Variants in ZNF236 observed in about 807,000 individuals in gnomAD.
ZNF236 encodes zinc finger protein 236.
A neutral mutation model predicts 191.2 loss-of-function variants in ZNF236; 50 were observed. That is an observed-to-expected ratio of 0.26 (90% CI 0.21 to 0.33). ZNF236 has a LOEUF of 0.33. Ranked by LOEUF, ZNF236 falls within the 10% of genes least tolerant of loss-of-function variation. The pLI, the probability that ZNF236 is intolerant of heterozygous loss-of-function variation, is 1.00. For synonymous variants in ZNF236, 907 were observed against 928.8 expected (o/e 0.98, Z 0.43); for missense variants, 1,754 against 2,374.5 (o/e 0.74, Z 5.43).
rs1047367927 is a variant in ZNF236, at chr18:76,839,220, A to G, written c.56-10306A>G. On this transcript the variant is annotated intron_variant, in intron 1 of 30. Transcript: ENST00000320610. ...ATGGCGTTTGGGTGCACATACGTAC[A>G]CATTTCTGTTGGAGATGTACCTAGG... Among the ~76,000 whole-genome samples the G allele has an allele frequency of 5.9e-5, 9 of 152,364 alleles. No homozygotes were observed. The South Asian group carries it at 1.9e-3, about 32-fold the overall frequency.
At chr18:76,826,219 C>A (rs764130000) in intron 1 of ZNF236, among the ~76,000 whole-genome samples, 1 of 151,550 alleles carries the variant, frequency 6.6e-6, no homozygotes, top group African/African-American at 2.4e-5. Context: ...TCAAGCAATT[C>A]TCCTGCCTCA....
intron 14 of ZNF236, 84 bp from the exon 15 acceptor site, chr18:76,909,984 G>A (rs1044361436): frequency 5.1e-6 from 5 of 984,256 alleles, no homozygotes; most frequent in South Asian, 3.1e-5. Flanking sequence ...TTGAAAACTC[G>A]CCGAAGTGTA....
chr18:76,836,010 C>T (rs1436900478), intron 1 of ZNF236, among the ~76,000 whole-genome samples: 3 of 152,104 alleles, frequency 2.0e-5, no homozygotes, highest in African/African-American at 4.8e-5. Context: ...TGGGTTCAAG[C>T]GATTCTCCTG....
intron 20 of ZNF236, among the ~76,000 whole-genome samples, chr18:76,922,759 G>A (rs1967572729): frequency 6.6e-6 from 1 of 152,056 alleles, no homozygotes; most frequent in Non-Finnish European, 1.5e-5. Context: ...GTTTTACCAT[G>A]TTGGCCAGTC....
chr18:76,910,312 A>ATT, intron 15 of ZNF236, 143 bp downstream of exon 15: 1 of 678,414 alleles, frequency 1.5e-6, no homozygotes, highest in African/African-American at 1.8e-5. Flanking sequence ...TGCATTGTAG[A>ATT]TTTTTTTTTA....
rs189533658 is a variant in ZNF236 at position 76,962,623 on chromosome 18, G to A, written c.5419+1768G>A. On this transcript the variant is annotated intron_variant, in intron 30 of 30. Transcript: ENST00000320610. Reference sequence around the variant, plus strand: ...ATGTTGGTATTTTGATGGGAATTGCGATGAATTTGTAGATTGCTTTTGGCA... The same window carrying A: ...ATGTTGGTATTTTGATGGGAATTGCAATGAATTTGTAGATTGCTTTTGGCA... Among the ~76,000 whole-genome samples, 1,122 of 152,098 alleles carry A rather than the reference G, an allele frequency of 7.4e-3. 15 individuals are homozygous for A. The highest frequency in any genetic ancestry group is 0.026 in the African/African-American group (1,062 of 41,512).
In ZNF236 at chr18:76,937,174, G is replaced by A. The variant is rs781759815; in HGVS notation, c.4613G>A (p.Gly1538Glu). The change falls in exon 26 of 31, where the codon GGA (glycine) becomes GAA (glutamate). Residue 1538 changes from glycine to glutamate, a missense_variant. Physicochemically the swap from Gly to Glu is moderately conservative, Grantham distance 98. This residue lies in a region of ZNF236 where 606 missense variants were observed against 761.5 expected (regional missense o/e 0.80). Coordinates refer to ENST00000320610, the MANE Select transcript of ZNF236 (RefSeq NM_001306089.2). ...TTTGTAGAACTTAACACTACAAGCGGAAGCCTTCCTTCAACAACACCGATG... is the reference window on the plus strand; with the variant it reads ...TTTGTAGAACTTAACACTACAAGCGAAAGCCTTCCTTCAACAACACCGATG... ...LTISELNTTS[G>E]SLPSTTPMSP... 1.9e-6 allele frequency: 3 copies of A among 1,613,902 alleles called. No individual in the cohort carries two copies. Among genetic ancestry groups the A allele is most frequent in the African/African-American group, 1.3e-5 (1 of 74,898 alleles).
At chr18:76,827,819 T>A (rs1377312988) in intron 1 of ZNF236, among the ~76,000 whole-genome samples, 1 of 152,166 alleles carries the variant, frequency 6.6e-6, no homozygotes, top group East Asian at 1.9e-4. Context: ...GAGTGAGATA[T>A]GCTTTTTTTC....
At chr18:76,910,196 T>C in intron 15 of ZNF236, 27 bp downstream of exon 15, 2 of 1,571,562 alleles carry the variant, frequency 1.3e-6, no homozygotes, top group Non-Finnish European at 1.7e-6. Flanking sequence ...CAATGAAATT[T>C]GTAAGTGAGC....
At chr18:76,842,102 A>G (rs1408914691) in intron 1 of ZNF236, among the ~76,000 whole-genome samples, 1 of 152,162 alleles carries the variant, frequency 6.6e-6, no homozygotes. Flanking sequence ...ATTACTAGCT[A>G]TGCCACTGGT....
chr18:76,968,176 G>A (rs1401180094), intron 30 of ZNF236, 39 bp from the exon 31 acceptor site: 2 of 1,612,156 alleles, frequency 1.2e-6, no homozygotes, highest in Non-Finnish European at 1.7e-6. Flanking sequence ...TGCTCTGGAA[G>A]GTCTGAGGCT....
intron 1 of ZNF236, among the ~76,000 whole-genome samples, chr18:76,837,143 C>CCCCCCCCCCCCCCCCCCCCG (rs1975358526): frequency 7.9e-6 from 1 of 125,878 alleles, no homozygotes; most frequent in African/African-American, 2.9e-5. Flanking sequence ...CCCCCCCGCC[C>CCCCCCCCCCCCCCCCCCCCG]CGCAAGCCTC....
intron 2 of ZNF236, among the ~76,000 whole-genome samples, chr18:76,851,249 A>G (rs1430127914): frequency 1.3e-5 from 2 of 149,700 alleles, no homozygotes; most frequent in African/African-American, 4.9e-5. Flanking sequence ...ATGCAAACAC[A>G]TGGAGAAAGA....
At chr18:76,920,136 C>A in intron 20 of ZNF236, 78 bp downstream of exon 20, 1 of 1,491,342 alleles carries the variant, frequency 6.7e-7, no homozygotes, top group South Asian at 1.3e-5. Context: ...GTGATTTTCA[C>A]TGCAGCAGGG....
At chr18:76,912,369 C>T (rs908316369) in intron 17 of ZNF236, 22 bp downstream of exon 17, 14 of 1,578,158 alleles carry the variant, frequency 8.9e-6, no homozygotes, top group Non-Finnish European at 1.1e-5. Context: ...CACAGACCAG[C>T]TCATGGTATT....
In ZNF236 at chr18:76,960,921, A is replaced by C; in HGVS notation, c.5419+66A>C. 1 of 1,492,538 alleles carries C rather than the reference A, an allele frequency of 6.7e-7. No homozygotes were observed. Among genetic ancestry groups the C allele is most frequent in the Non-Finnish European group, 9.0e-7 (1 of 1,112,684 alleles). 92.5% of individuals were successfully genotyped at this position (1,492,538 alleles called of 1,614,324 possible). A position where few individuals can be genotyped will look rare whatever the true frequency, so the allele number is the denominator to read the frequency against. On this transcript the variant is annotated intron_variant, in intron 30 of 30. Transcript: ENST00000320610. The surrounding 1 kb of genome is among the most constrained non-coding windows in gnomAD (Gnocchi z 4.4). ...CTGCGAGGCACCCTGTGTTTCGCAT[A>C]CATTGTTTCCTTTAGTTCACACAGT...
Position 76,915,690 on chromosome 18 carries a change from C to T in ZNF236, c.3105C>T (p.Thr1035=), listed in dbSNP as rs1291421482. Reference sequence around the variant, plus strand: ...GCAGTGTGTGCAATGCTTCCTTCACCACCAATGGCAGCCTCACCCGGCACA... The same window carrying T: ...GCAGTGTGTGCAATGCTTCCTTCACTACCAATGGCAGCCTCACCCGGCACA... ...FSCSVCNASF[T]TNGSLTRHMA... The change falls in exon 19 of 31, where the codon ACC becomes ACT. Residue 1035 remains threonine, a synonymous_variant. Transcript: ENST00000320610. 2 of 1,613,954 alleles carry T rather than the reference C, an allele frequency of 1.2e-6. No individual in the cohort carries two copies. The highest frequency in any genetic ancestry group is 1.3e-5 in the African/African-American group (1 of 74,870).
intron 9 of ZNF236, 133 bp downstream of exon 9, chr18:76,881,645 G>T: frequency 1.3e-6 from 1 of 787,340 alleles, no homozygotes; most frequent in Non-Finnish European, 2.0e-6. Flanking sequence ...GCTGTAGTTG[G>T]TTGGTATTTA....
rs147066891 is a variant in ZNF236, at chr18:76,951,739, G to A, written c.4914+4087G>A. Among the ~76,000 whole-genome samples the A allele has an allele frequency of 5.0e-3, 757 of 152,298 alleles. 7 individuals carry two copies. Among genetic ancestry groups the A allele is most frequent in the Admixed American group, 7.5e-3 (114 of 15,302 alleles). ...GTTGGCTAATAGTTTGACACAAGAG[G>A]CTGAGCTTTCAGCCTGTCTCAGCTC... On this transcript the variant is annotated intron_variant, in intron 27 of 30. Coordinates refer to ENST00000320610, the MANE Select transcript of ZNF236 (RefSeq NM_001306089.2).
Sources: allele counts gnomAD v4.1 joint callset (sites outside exome capture counted in the v4.1 genomes callset), GRCh38; gene constraint gnomAD v4.1.1; regional missense constraint gnomAD v4.1.1; non-coding constraint Gnocchi (gnomAD v3.1); transcripts MANE v1.5; gene names NCBI Gene and HGNC (gene_info 2026-07-23, HGNC 2026-07-21).